Variants in EP400 observed in about 807,000 individuals in gnomAD.
The protein encoded by EP400 is E1A-binding protein p400.
A neutral mutation model predicts 354.1 loss-of-function variants in EP400; 105 were observed. The observed-to-expected ratio is 0.30, with a 90% CI of 0.25 to 0.35. The LOEUF is 0.35. EP400 is among the 10% of genes least tolerant of loss of function. The probability of loss-of-function intolerance (pLI) is 1.00; values close to 1 mark genes in which losing one functional copy is unlikely to be tolerated. For synonymous variants in EP400, 1,646 were observed against 1,716.9 expected (o/e 0.96, Z 1.02); for missense variants, 3,280 against 4,121.0 (o/e 0.80, Z 5.59).
At position 131,972,344 on chromosome 12, in the gene EP400, G is replaced by A. The variant is rs543036569; in HGVS notation, c.1336-7350G>A. On this transcript the variant is annotated intron_variant, in intron 2 of 52. Transcript: ENST00000389561. ...ATTTTTTGTTATTTTTAGTAGAGAC[G>A]GGGCTTCACCATGTTAGCCAGGATG... Among the ~76,000 whole-genome samples the A allele has an allele frequency of 5.8e-4, 88 of 151,908 alleles. No individual in the cohort carries two copies. In the South Asian group the frequency reaches 7.7e-3, roughly 13 times the overall value.
chr12:131,992,166 C>T lies in EP400; in HGVS notation c.2680-7C>T, dbSNP rs755742153. 2.5e-6 allele frequency: 4 copies of T among 1,605,658 alleles called. No individual in the cohort carries two copies. Among genetic ancestry groups the T allele is most frequent in the Non-Finnish European group, 2.5e-6 (3 of 1,179,858 alleles). On this transcript the variant is annotated splice_polypyrimidine_tract_variant and splice_region_variant and intron_variant, in intron 10 of 52. Transcript: ENST00000389561. ...CATGCTTGTGGTTTTTCTTTCTTTT[C>T]TTTCAGGATTCAGGAATGTCTGGAA...
At position 131,960,693 on chromosome 12, in the gene EP400, G is replaced by T. The variant is rs1179362320; in HGVS notation, c.74G>T (p.Gly25Val). 17 of 1,577,038 alleles carry T rather than the reference G, an allele frequency of 1.1e-5. No individual in the cohort carries two copies. Among genetic ancestry groups the T allele is most frequent in the East Asian group, 2.3e-5 (1 of 43,648 alleles). ...QRSRACPGSEGEEQPAHPNPP... is the reference protein window; with the variant it reads ...QRSRACPGSEVEEQPAHPNPP... ...TCCAGGGCCTGCCCTGGCAGCGAGG[G>T]TGAGGAGCAGCCGGCCCACCCCAAC... Residue 25 changes from glycine (G) to valine (V), a missense_variant, in exon 2 of 53, where the codon GGT becomes GTT. By Grantham distance (109) the Gly-to-Val change is moderately radical (BLOSUM62 -3). This residue lies in a region of EP400 where 172 missense variants were observed against 242.9 expected (regional missense o/e 0.71). Coordinates refer to ENST00000389561, the MANE Select transcript of EP400 (RefSeq NM_015409.5).
Position 132,050,538 on chromosome 12 carries a change from C to T in EP400, c.7338-61C>T, listed in dbSNP as rs1041576965. The T allele has an allele frequency of 4.3e-5, 70 of 1,613,260 alleles. 2 individuals carry two copies. The highest frequency in any genetic ancestry group is 2.2e-4 in the Admixed American group (13 of 60,008). Reference sequence around the variant, plus strand: ...AAGCTTGGTTTTGATGTGTTTTTAACATACCCTTCTTCAGATATTTCCTTT... The same window carrying T: ...AAGCTTGGTTTTGATGTGTTTTTAATATACCCTTCTTCAGATATTTCCTTT... On this transcript the variant is annotated intron_variant, in intron 40 of 52. Coordinates refer to ENST00000389561, the MANE Select transcript of EP400 (RefSeq NM_015409.5). This position sits in a 1 kb window ranked among gnomAD's most constrained non-coding sequence, Gnocchi z 4.8.
chr12:132,031,586 T>A (rs1440250717), intron 29 of EP400, among the ~76,000 whole-genome samples: 1 of 151,980 alleles, frequency 6.6e-6, no homozygotes, highest in Non-Finnish European at 1.5e-5. Context: ...TGAGACAGAG[T>A]CCTGCTCTGT....
At position 132,044,194 on chromosome 12, in the gene EP400, A is replaced by C; in HGVS notation, c.6468A>C (p.Ala2156=). 1 of 1,614,234 alleles carries C rather than the reference A, an allele frequency of 6.2e-7. No homozygotes were observed. The highest frequency in any genetic ancestry group is 8.5e-7 in the Non-Finnish European group (1 of 1,180,042). The part of the protein sequence containing the change: ...ERNSEDAVMT[A]VRAWEFWNLK... ...CCCGTCAGGACGCAGTGATGACTGC[A>C]GTGAGGGCATGGGAGTTCTGGAACC... Residue 2156 remains alanine, a synonymous_variant, in exon 35 of 53, where the codon GCA becomes GCC. Transcript: ENST00000389561.
rs558852241 is a variant in EP400 at position 132,067,854 on chromosome 12, G to A, written c.8874+368G>A. ...AGACGCAGCTCACACCACAGGACCC[G>A]CCTGGACTCCTGCTGGAGGACAGGG... On this transcript the variant is annotated intron_variant, in intron 50 of 52. Coordinates refer to ENST00000389561, the MANE Select transcript of EP400 (RefSeq NM_015409.5). This position sits in a 1 kb window ranked among gnomAD's most constrained non-coding sequence, Gnocchi z 5.3. Among the ~76,000 whole-genome samples, 29 of 152,238 alleles carry A rather than the reference G, an allele frequency of 1.9e-4. No homozygotes were observed. The highest frequency in any genetic ancestry group is 1.2e-3 in the East Asian group (6 of 5,158).
rs1893822516 is a variant in EP400 at position 132,013,250 on chromosome 12, C to T, written c.3611+72C>T. On this transcript the variant is annotated intron_variant, in intron 17 of 52. Coordinates refer to ENST00000389561, the MANE Select transcript of EP400 (RefSeq NM_015409.5). This position sits in a 1 kb window ranked among gnomAD's most constrained non-coding sequence, Gnocchi z 4.5. ...TAGAAGATTCTCTTGAAGAAATCTGCATAATTGCAGACACAAACAATGGCC... is the reference window on the plus strand; with the variant it reads ...TAGAAGATTCTCTTGAAGAAATCTGTATAATTGCAGACACAAACAATGGCC... 6.6e-7 allele frequency: 1 copy of T among 1,516,440 alleles called. No homozygotes were observed. 93.9% of individuals were successfully genotyped at this position (1,516,440 alleles called of 1,614,324 possible).
At chr12:131,988,179 T>C (rs1350762902) in intron 7 of EP400, among the ~76,000 whole-genome samples, 1 of 151,854 alleles carries the variant, frequency 6.6e-6, no homozygotes, top group African/African-American at 2.4e-5. Context: ...GCAGACTCAC[T>C]CTAGAGGCCT....
rs747231618 is a variant in EP400 at position 131,992,233 on chromosome 12, C to T, written c.2737+3C>T. 4 of 1,609,398 alleles carry T rather than the reference C, an allele frequency of 2.5e-6. No individual in the cohort carries two copies. Among genetic ancestry groups the T allele is most frequent in the African/African-American group, 1.3e-5 (1 of 74,872 alleles). On this transcript the variant is annotated splice_donor_region_variant and intron_variant, in intron 11 of 52. Coordinates refer to ENST00000389561, the MANE Select transcript of EP400 (RefSeq NM_015409.5). ...CATATCTTTGACTGATGACGAAGGT[C>T]TGTTCCCCCTCAGCACTATCTTTGT...
In EP400 at chr12:132,053,335, C is replaced by T. The variant is rs374324313; in HGVS notation, c.7474-8C>T. 7 of 1,587,528 alleles carry T rather than the reference C, an allele frequency of 4.4e-6. No individual in the cohort carries two copies. In the African/African-American group the frequency reaches 8.0e-5, roughly 18 times the overall value. Reference sequence around the variant, plus strand: ...TCCAGTGGCTCCTCTTCCTTCCTGGCCCCTCAGGCTCTGGCTGATCAGCAG... The same window carrying T: ...TCCAGTGGCTCCTCTTCCTTCCTGGTCCCTCAGGCTCTGGCTGATCAGCAG... On this transcript the variant is annotated splice_region_variant and splice_polypyrimidine_tract_variant and intron_variant, in intron 42 of 52. Transcript: ENST00000389561.
At chr12:131,978,112 T>G (rs1379513075) in intron 2 of EP400, among the ~76,000 whole-genome samples, 1 of 152,246 alleles carries the variant, frequency 6.6e-6, no homozygotes, top group Non-Finnish European at 1.5e-5. Flanking sequence ...TTGGCTAGTT[T>G]CTGTCTTTGT....
Position 131,960,950 on chromosome 12 carries a change from C to G in EP400, c.331C>G (p.Arg111Gly). The change falls in exon 2 of 53, where the codon CGG (arginine) becomes GGG (glycine). Residue 111 changes from arginine to glycine, a missense_variant. Physicochemically the swap from Arg to Gly is moderately radical, Grantham distance 125. Transcript: ENST00000389561. ...SPGFQFSAQP[R>G]RFEHGSPSYI... ...AGGCTTCCAGTTCAGCGCTCAGCCT[C>G]GGCGGTTTGAGCATGGGTCTCCATC... 6.2e-7 allele frequency: 1 copy of G among 1,612,396 alleles called. No homozygotes were observed. The highest frequency in any genetic ancestry group is 8.5e-7 in the Non-Finnish European group (1 of 1,179,466).
In EP400 at chr12:132,037,735, A is replaced by G; in HGVS notation, c.6005A>G (p.Asp2002Gly). 1 of 1,614,170 alleles carries G rather than the reference A, an allele frequency of 6.2e-7. No homozygotes were observed. The highest frequency in any genetic ancestry group is 8.5e-7 in the Non-Finnish European group (1 of 1,180,032). ...EEKLLKNGTK[D>G]LIREVAAQGN... ...AAATTGTTGAAAAATGGAACTAAAG[A>G]TCTGATCCGAGAAGTGGCTGCTCAG... The change falls in exon 31 of 53, where the codon GAT (aspartate) becomes GGT (glycine). Residue 2002 changes from aspartate (D) to glycine (G), a missense_variant. Around this residue, in one of 20 missense-constraint regions of EP400, gnomAD observed 60 missense variants for 109.9 expected, o/e 0.55. Transcript: ENST00000389561.
At chr12:131,966,538 G>A (rs932841404) in intron 2 of EP400, among the ~76,000 whole-genome samples, 8 of 142,016 alleles carry the variant, frequency 5.6e-5, no homozygotes, top group African/African-American at 2.2e-4. Flanking sequence ...ACACCAGCCT[G>A]GGCCACAGAG....
intron 14 of EP400, 127 bp downstream of exon 14, chr12:132,006,429 GCAATT>G: frequency 8.3e-7 from 1 of 1,200,068 alleles, no homozygotes; most frequent in Non-Finnish European, 1.1e-6. Flanking sequence ...GTCAGAAAAA[GCAATT>G]CTTCATGTGC....
Position 131,981,746 on chromosome 12 carries a change from C to T in EP400, c.1543+150C>T, listed in dbSNP as rs1593323661. On this transcript the variant is annotated intron_variant, in intron 4 of 52. Coordinates refer to ENST00000389561, the MANE Select transcript of EP400 (RefSeq NM_015409.5). ...TTGAGATACTTCTCTGAGTCCCAGT[C>T]GATATCATATGCAAAGCCCCTGGAG... The T allele has an allele frequency of 4.4e-6, 3 of 675,634 alleles. 1 individual carries two copies. Among genetic ancestry groups the T allele is most frequent in the Non-Finnish European group, 7.6e-6 (3 of 395,554 alleles). 41.9% of individuals were successfully genotyped at this position (675,634 alleles called of 1,614,324 possible). A position where few individuals can be genotyped will look rare whatever the true frequency, so the allele number is the denominator to read the frequency against.
intron 39 of EP400, among the ~76,000 whole-genome samples, chr12:132,049,729 A>AG (rs1895232298): frequency 6.6e-6 from 1 of 152,210 alleles, no homozygotes; most frequent in African/African-American, 2.4e-5. Context: ...TTCACTTCAC[A>AG]GGATAAGGAG....
In EP400 at chr12:132,053,717, G is replaced by T. The variant is rs1895386337; in HGVS notation, c.7728+120G>T. On this transcript the variant is annotated intron_variant, in intron 43 of 52. Coordinates refer to ENST00000389561, the MANE Select transcript of EP400 (RefSeq NM_015409.5). ...GCCAGTTCTAGCACATTTCCAGCTT[G>T]TAGACCTTCCTCTGAAGAAATGGGA... 1.2e-5 allele frequency: 14 copies of T among 1,148,218 alleles called. No homozygotes were observed. In the South Asian group the frequency reaches 2.6e-4, roughly 22 times the overall value. The allele number at this position is 1,148,218 out of a possible 1,614,324, so 71.1% of individuals were successfully genotyped here. A position where few individuals can be genotyped will look rare whatever the true frequency, so the allele number is the denominator to read the frequency against.
intron 19 of EP400, among the ~76,000 whole-genome samples, chr12:132,015,281 G>A (rs1893891645): frequency 6.6e-6 from 1 of 152,236 alleles, no homozygotes; most frequent in Admixed American, 6.5e-5. Flanking sequence ...CATTAGTGGC[G>A]AGACTCTCCA....
Sources: allele counts gnomAD v4.1 joint callset (sites outside exome capture counted in the v4.1 genomes callset), GRCh38; gene constraint gnomAD v4.1.1; regional missense constraint gnomAD v4.1.1; non-coding constraint Gnocchi (gnomAD v3.1); transcripts MANE v1.5; gene names NCBI Gene and HGNC (gene_info 2026-07-23, HGNC 2026-07-21).